Variants in ATG7 observed in about 807,000 individuals in gnomAD.
ATG7 encodes the protein autophagy related 7.
ATG7 carries 70 observed loss-of-function variants against 82.4 expected under a neutral mutation model. The observed-to-expected ratio is 0.85, with a 90% CI of 0.70 to 1.04. ATG7 has a LOEUF of 1.04. ATG7 is among the 50% of genes least tolerant of loss of function. The pLI, the probability that ATG7 is intolerant of heterozygous loss-of-function variation, is 0.00. For synonymous variants in ATG7, 287 were observed against 313.0 expected, an observed-to-expected ratio of 0.92 and a Z score of 0.88; for missense variants, 792 against 864.3, an observed-to-expected ratio of 0.92 and a Z score of 1.05.
intron 8 of ATG7, 128 bp from the exon 9 acceptor site, chr3:11,315,216 G>C: frequency 6.2e-6 from 5 of 812,282 alleles, no homozygotes; most frequent in Non-Finnish European, 8.9e-6. Flanking sequence ...TGCTGTAATA[G>C]AGTAAGAGGA....
chr3:11,274,229 G>A (rs939513931), intron 1 of ATG7, among the ~76,000 whole-genome samples: 2 of 152,178 alleles, frequency 1.3e-5, no homozygotes, highest in African/African-American at 4.8e-5. Flanking sequence ...TTGAGCTTCA[G>A]CTGTGTGTCT....
Position 11,517,650 on chromosome 3 carries a change from A to G in ATG7, c.2080-37161A>G, listed in dbSNP as rs762949952. Among the ~76,000 whole-genome samples, 88 of 152,328 alleles carry G rather than the reference A, an allele frequency of 5.8e-4. 1 individual carries two copies. The highest frequency in any genetic ancestry group is 1.1e-3 in the Non-Finnish European group (73 of 68,034). On this transcript the variant is annotated intron_variant, in intron 20 of 20. Coordinates refer to ENST00000693202, the MANE Select transcript of ATG7 (RefSeq NM_001349232.2). ...CTAGAGGTTTTCGAGAGGAAGATGC[A>G]CGTCTAAGGTGTGACGGGAAAGGGC... is the stretch of plus-strand genomic sequence containing the variant.
At chr3:11,510,466 C>T (rs1266349267) in intron 20 of ATG7, 8 of 361,800 alleles carry the variant, frequency 2.2e-5, no homozygotes, top group Non-Finnish European at 3.8e-5. Context: ...CCTCCCCCAT[C>T]CCAGTGATAC....
At chr3:11,522,197 A>G (rs776908531) in intron 20 of ATG7, among the ~76,000 whole-genome samples, 25 of 152,184 alleles carry the variant, frequency 1.6e-4, no homozygotes, top group Non-Finnish European at 3.1e-4. Context: ...TTCCAAGTGC[A>G]TTCACCTCCT....
intron 20 of ATG7, among the ~76,000 whole-genome samples, chr3:11,476,314 C>T (rs1420333972): frequency 6.6e-6 from 1 of 152,144 alleles, no homozygotes; most frequent in Non-Finnish European, 1.5e-5. Flanking sequence ...AGAAAATGGG[C>T]ACAATTCTAG....
chr3:11,335,665 C>T (rs1315879991), intron 11 of ATG7, among the ~76,000 whole-genome samples: 4 of 152,164 alleles, frequency 2.6e-5, no homozygotes, highest in Non-Finnish European at 5.9e-5. Context: ...ATCCTACTCT[C>T]TATGATAAGG....
At chr3:11,389,808 A>G (rs1353900010) in intron 19 of ATG7, among the ~76,000 whole-genome samples, 1 of 152,230 alleles carries the variant, frequency 6.6e-6, no homozygotes, top group African/African-American at 2.4e-5. Flanking sequence ...AAGTCTTGGC[A>G]GCTAAGGTGT....
rs1951875843 is a variant in ATG7, at chr3:11,333,069, C to T, written c.865C>T (p.Leu289Phe). The T allele has an allele frequency of 5.8e-6, 9 of 1,564,302 alleles. No homozygotes were observed. Among genetic ancestry groups the T allele is most frequent in the Non-Finnish European group, 7.8e-6 (9 of 1,156,798 alleles). ...CCACAGCATCATCTTCGAAGTGAAG[C>T]TTCCAGAAATGGCATTTAGCCCAGG... ...VAHSIIFEVK[L>F]PEMAFSPDCP... Residue 289 changes from leucine to phenylalanine, a missense_variant, in exon 11 of 21, where the codon CTT becomes TTT. By Grantham distance (22) the Leu-to-Phe change is conservative. Transcript: ENST00000693202.
rs1039245078 is a variant in ATG7, at chr3:11,396,222, G to A, written c.1956+16170G>A. ...AGCACTTTTGGAGGCTGAGGCAAGC[G>A]CATCACTTGAGGTCAAGAATTTGAG... On this transcript the variant is annotated intron_variant, in intron 19 of 20. Coordinates refer to ENST00000693202, the MANE Select transcript of ATG7 (RefSeq NM_001349232.2). 5.9e-5 allele frequency among the ~76,000 whole-genome samples: 9 copies of A among 151,998 alleles called. 1 individual carries two copies. The South Asian group carries it at 6.2e-4, about 10-fold the overall frequency.
intron 20 of ATG7, among the ~76,000 whole-genome samples, chr3:11,434,577 G>T (rs2083199900): frequency 6.6e-6 from 1 of 152,188 alleles, no homozygotes; most frequent in Admixed American, 6.5e-5. Context: ...CTAGAGCCTG[G>T]TTTTTGAAAT....
chr3:11,551,158 C>T (rs2071737110), intron 20 of ATG7, among the ~76,000 whole-genome samples: 2 of 152,208 alleles, frequency 1.3e-5, no homozygotes, highest in African/African-American at 4.8e-5. Flanking sequence ...TTTCTGTACT[C>T]GTCGTGTCCT....
chr3:11,486,025 G>T (rs1264374267), intron 20 of ATG7, among the ~76,000 whole-genome samples: 1 of 152,136 alleles, frequency 6.6e-6, no homozygotes, highest in Admixed American at 6.5e-5. Context: ...GGTGATGCGG[G>T]CTCTTTTTTG....
intron 20 of ATG7, among the ~76,000 whole-genome samples, chr3:11,434,221 A>G (rs1324907189): frequency 6.6e-6 from 1 of 152,210 alleles, no homozygotes; most frequent in African/African-American, 2.4e-5. Context: ...TTTGCATTTA[A>G]CAACAGTCAG....
intron 1 of ATG7, among the ~76,000 whole-genome samples, chr3:11,274,294 C>T (rs1941217575): frequency 6.6e-6 from 1 of 152,092 alleles, no homozygotes; most frequent in African/African-American, 2.4e-5. Context: ...CATCCCTGTC[C>T]TCAAAGAGTT....
At position 11,298,587 on chromosome 3, in the gene ATG7, T is replaced by G. The variant is rs150008487; in HGVS notation, c.-10-99T>G. 4.1e-4 allele frequency: 512 copies of G among 1,241,526 alleles called. No homozygotes were observed. The African/African-American group carries it at 7.0e-3, about 17-fold the overall frequency. The allele number at this position is 1,241,526 out of a possible 1,614,324, so 76.9% of individuals were successfully genotyped here. Reference sequence around the variant, plus strand: ...AGGTAGCCTGTAAACATCTCATTACTTTTTGTTTGTTTGAATTAAACTTTA... The same window carrying G: ...AGGTAGCCTGTAAACATCTCATTACGTTTTGTTTGTTTGAATTAAACTTTA... On this transcript the variant is annotated intron_variant, in intron 3 of 20. Transcript: ENST00000693202.
Position 11,342,186 on chromosome 3 carries a change from G to A in ATG7, c.1032G>A (p.Leu344=). ...ATCTCAAACTGATGTGTTGGAGATT[G>A]GTTCCTACTTTAGACTTGGACAAGG... ...DLNLKLMCWR[L]VPTLDLDKVV... Residue 344 remains leucine, a synonymous_variant, in exon 13 of 21, where the codon TTG becomes TTA. Coordinates refer to ENST00000693202, the MANE Select transcript of ATG7 (RefSeq NM_001349232.2). 1 of 1,613,480 alleles carries A rather than the reference G, an allele frequency of 6.2e-7. No homozygotes were observed. The highest frequency in any genetic ancestry group is 8.5e-7 in the Non-Finnish European group (1 of 1,180,002).
At chr3:11,483,924 C>G (rs754125447) in intron 20 of ATG7, among the ~76,000 whole-genome samples, 1 of 152,100 alleles carries the variant, frequency 6.6e-6, no homozygotes, top group African/African-American at 2.4e-5. Flanking sequence ...GAAAATGAAC[C>G]TAGCAAGAAA....
chr3:11,475,587 G>A (rs1482404705), intron 20 of ATG7, among the ~76,000 whole-genome samples: 1 of 152,136 alleles, frequency 6.6e-6, no homozygotes, highest in Non-Finnish European at 1.5e-5. Context: ...AACAGACGCG[G>A]ATGCTACCCT....
chr3:11,564,896 G>A, the ATG7 span: 3 of 1,607,704 alleles, frequency 1.9e-6, no homozygotes, highest in Non-Finnish European at 2.5e-6. Flanking sequence ...CCAGGCCAAG[G>A]CTGGGGAGGG....
Sources: gnomAD v4.1 joint callset for allele counts (sites outside exome capture counted in the v4.1 genomes callset) on GRCh38, gnomAD v4.1.1 for gene constraint, MANE v1.5 for transcripts, NCBI Gene and HGNC (gene_info 2026-07-23, HGNC 2026-07-21) for gene names.